Variants in PCDHGA5 observed in about 807,000 individuals in gnomAD.
PCDHGA5 encodes the protein protocadherin gamma-A5.
Under a neutral mutation model 56.7 loss-of-function variants are expected in PCDHGA5, and 36 were observed. The observed-to-expected ratio is 0.64, with a 90% CI of 0.49 to 0.84. PCDHGA5 has a LOEUF of 0.84. Among genes scored for constraint, PCDHGA5 ranks in the 40% least tolerant of loss-of-function variants. The pLI is 0.00. For missense variants in PCDHGA5, 1,305 were observed against 1,201.5 expected (o/e 1.09, Z -1.27); for synonymous variants, 563 against 520.2 (o/e 1.08, Z -1.12).
At chr5:141,496,262 C>G (rs934511905) in intron 2 of PCDHGA5, among the ~76,000 whole-genome samples, 3 of 152,158 alleles carry the variant, frequency 2.0e-5, no homozygotes, top group African/African-American at 7.2e-5. Flanking sequence ...GAAACTTCAG[C>G]AGAAAGACCT....
intron 1 of PCDHGA5, chr5:141,409,728 C>G (rs13184503): frequency 6.2e-7 from 1 of 1,613,134 alleles, no homozygotes; most frequent in Admixed American, 1.7e-5. Flanking sequence ...TCAGTGAGCG[C>G]GCAGAGCGGG....
intron 1 of PCDHGA5, chr5:141,418,363 C>T (rs147423305): frequency 4.4e-4 from 703 of 1,613,984 alleles, no homozygotes; most frequent in Non-Finnish European, 5.5e-4. Flanking sequence ...ATTCGCTGAG[C>T]AAATACCAAC....
intron 1 of PCDHGA5, chr5:141,371,298 A>G (rs1767641174): frequency 6.2e-7 from 1 of 1,614,018 alleles, no homozygotes; most frequent in Non-Finnish European, 8.5e-7. Context: ...GGGGGAACTC[A>G]CCACTATTGG....
intron 1 of PCDHGA5, among the ~76,000 whole-genome samples, chr5:141,405,652 G>GT (rs1479754913): frequency 6.6e-6 from 1 of 152,034 alleles, no homozygotes; most frequent in Non-Finnish European, 1.5e-5. Flanking sequence ...TTTTTTGTGT[G>GT]TTTTTAGTAG....
At chr5:141,436,071 A>G (rs1419598304) in intron 1 of PCDHGA5, among the ~76,000 whole-genome samples, 1 of 152,222 alleles carries the variant, frequency 6.6e-6, no homozygotes. Context: ...TAATAAGTAC[A>G]GTGTTCTATA....
At chr5:141,384,011 T>C in intron 1 of PCDHGA5, 1 of 1,613,766 alleles carries the variant, frequency 6.2e-7, no homozygotes, top group Non-Finnish European at 8.5e-7. Context: ...CTTTTCTACC[T>C]ACAAGACAGA....
At chr5:141,421,523 C>G in intron 1 of PCDHGA5, 1 of 1,614,034 alleles carries the variant, frequency 6.2e-7, no homozygotes, top group Non-Finnish European at 8.5e-7. Context: ...CTCTGTGAGA[C>G]GGTGTCCTCC....
chr5:141,481,871 G>T (rs372191396), intron 1 of PCDHGA5, among the ~76,000 whole-genome samples: 1 of 144,788 alleles, frequency 6.9e-6, no homozygotes, highest in Non-Finnish European at 1.5e-5. Context: ...CCGAGATCGC[G>T]CCACTGCACT....
At chr5:141,401,561 T>A (rs1436115390) in intron 1 of PCDHGA5, among the ~76,000 whole-genome samples, 1 of 152,230 alleles carries the variant, frequency 6.6e-6, no homozygotes, top group Non-Finnish European at 1.5e-5. Flanking sequence ...ATTGCCTGAA[T>A]TTCTCTTGCT....
intron 1 of PCDHGA5, among the ~76,000 whole-genome samples, chr5:141,438,454 T>C (rs2097961593): frequency 6.6e-6 from 1 of 151,734 alleles, no homozygotes; most frequent in Admixed American, 6.6e-5. Flanking sequence ...AATACAATGC[T>C]TGAGTTCAAT....
intron 1 of PCDHGA5, among the ~76,000 whole-genome samples, chr5:141,466,558 C>T (rs1407160827): frequency 6.6e-6 from 1 of 152,120 alleles, no homozygotes; most frequent in Non-Finnish European, 1.5e-5. Flanking sequence ...CTGTGGGCTT[C>T]ATCTTCAACA....
chr5:141,463,938 T>A (rs1378018670), intron 1 of PCDHGA5, among the ~76,000 whole-genome samples: 3 of 152,168 alleles, frequency 2.0e-5, no homozygotes, highest in Non-Finnish European at 4.4e-5. Context: ...TATAAATTTA[T>A]AGAAATCTTC....
At chr5:141,374,794 C>G (rs369215509) in intron 1 of PCDHGA5, 6 of 1,613,916 alleles carry the variant, frequency 3.7e-6, no homozygotes, top group Non-Finnish European at 5.1e-6. Flanking sequence ...ATGTGAATGA[C>G]AACACTCCAA....
chr5:141,398,832 C>T (rs967769671), intron 1 of PCDHGA5: 3 of 1,614,000 alleles, frequency 1.9e-6, no homozygotes, highest in Non-Finnish European at 1.7e-6. Flanking sequence ...TAACCGACGC[C>T]AATGATAATC....
At chr5:141,388,993 G>C (rs778336882) in intron 1 of PCDHGA5, 1 of 1,614,026 alleles carries the variant, frequency 6.2e-7, no homozygotes, top group South Asian at 1.1e-5. Context: ...CTCAAAGTCC[G>C]TGACAAGGAT....
chr5:141,434,178 G>C (rs960680568), intron 1 of PCDHGA5, among the ~76,000 whole-genome samples: 1 of 152,178 alleles, frequency 6.6e-6, no homozygotes, highest in African/African-American at 2.4e-5. Flanking sequence ...TTATATCCAA[G>C]ATTTGTAATT....
At position 141,364,796 on chromosome 5, in the gene PCDHGA5, T is replaced by C; in HGVS notation, c.466T>C (p.Phe156Leu). ...TGCAGGGACACGGTTAGTGCTTCCC[T>C]TCGCGCGGGATGCGGATGTGGGTGT... ...AAAGTRLVLP[F>L]ARDADVGVNS... is the part of the protein sequence containing the mutation. The change falls in exon 1 of 4, where the codon TTC (phenylalanine) becomes CTC (leucine). Residue 156 changes from phenylalanine to leucine, a missense_variant. Coordinates refer to ENST00000518069, the MANE Select transcript of PCDHGA5 (RefSeq NM_018918.3). 1.2e-6 allele frequency: 2 copies of C among 1,614,046 alleles called. No homozygotes were observed. The highest frequency in any genetic ancestry group is 2.2e-5 in the South Asian group (2 of 91,088).
Position 141,364,169 on chromosome 5 carries a change from C to A in PCDHGA5, c.-162C>A. The A allele has an allele frequency of 1.3e-6, 1 of 765,758 alleles. No homozygotes were observed. Among genetic ancestry groups the A allele is most frequent in the Non-Finnish European group, 1.9e-6 (1 of 528,130 alleles). The allele number at this position is 765,758 out of a possible 1,614,324, so 47.4% of individuals were successfully genotyped here. A position where few individuals can be genotyped will look rare whatever the true frequency, so the allele number is the denominator to read the frequency against. ...AGAAGCTGCCGCAGAGGCGACCCGA[C>A]TCTGCTCCCTCCATACTAAACACAC... On this transcript the variant is annotated 5_prime_UTR_variant, in exon 1 of 4. Coordinates refer to ENST00000518069, the MANE Select transcript of PCDHGA5 (RefSeq NM_018918.3).
Position 141,477,876 on chromosome 5 carries a change from G to A in PCDHGA5, c.2422-16931G>A, listed in dbSNP as rs1412801533. The A allele has an allele frequency of 4.3e-6, 7 of 1,614,144 alleles. No individual in the cohort carries two copies. Among genetic ancestry groups the A allele is most frequent in the Non-Finnish European group, 5.9e-6 (7 of 1,180,030 alleles). ...ATGCTGCCTCGAGGTACCTCAGCTG[G>A]CCACCTAGTGTCACGGGTGGTAGGC... On this transcript the variant is annotated intron_variant, in intron 1 of 3. Coordinates refer to ENST00000518069, the MANE Select transcript of PCDHGA5 (RefSeq NM_018918.3). The surrounding 1 kb of genome is among the most constrained non-coding windows in gnomAD (Gnocchi z 4.9).
Sources: gnomAD v4.1 joint callset for allele counts (sites outside exome capture counted in the v4.1 genomes callset) on GRCh38, gnomAD v4.1.1 for gene constraint, Gnocchi (gnomAD v3.1) non-coding constraint, MANE v1.5 for transcripts, NCBI Gene and HGNC (gene_info 2026-07-23, HGNC 2026-07-21) for gene names.